DDX10: variants seen among roughly 807,000 people sequenced by gnomAD.
DDX10 encodes the protein probable ATP-dependent RNA helicase DDX10.
A neutral mutation model predicts 104.3 loss-of-function variants in DDX10; 74 were observed. The observed-to-expected ratio is 0.71, with a 90% confidence interval of 0.59 to 0.86. DDX10 has a LOEUF of 0.86. Among genes scored for constraint, DDX10 ranks in the 40% least tolerant of loss-of-function variants. DDX10 has a pLI of 0.00. For synonymous variants in DDX10, 351 were observed against 353.4 expected (o/e 0.99, Z 0.08); for missense variants, 952 against 1,040.0 (o/e 0.92, Z 1.16).
intron 13 of DDX10, among the ~76,000 whole-genome samples, chr11:108,741,068 C>T (rs1356226164): frequency 6.6e-6 from 1 of 152,054 alleles, no homozygotes; most frequent in Non-Finnish European, 1.5e-5. Flanking sequence ...AGAATCCTTC[C>T]CCCATTGGTT....
In DDX10 at chr11:108,691,814, A is replaced by AC. The variant is rs1332423821; in HGVS notation, c.976-62_976-61insC. ...TGAGACTCTGTGGGATACGTTGATAAGAGAAAAGCTTTATTGCTGCCATCT... is the reference window on the plus strand; with the variant it reads ...TGAGACTCTGTGGGATACGTTGATAACGAGAAAAGCTTTATTGCTGCCATCT... On this transcript the variant is annotated intron_variant, in intron 7 of 17. Coordinates refer to ENST00000322536, the MANE Select transcript of DDX10 (RefSeq NM_004398.4). 42 of 1,478,138 alleles carry AC rather than the reference A, an allele frequency of 2.8e-5. No homozygotes were observed. The Middle Eastern group carries it at 8.8e-4, about 31-fold the overall frequency. 91.6% of individuals were successfully genotyped at this position (1,478,138 alleles called of 1,614,324 possible).
chr11:108,771,469 C>T (rs1484455626), intron 13 of DDX10, among the ~76,000 whole-genome samples: 1 of 152,122 alleles, frequency 6.6e-6, no homozygotes, highest in African/African-American at 2.4e-5. Context: ...GTCAGCCTCC[C>T]AAGTAGCTGG....
chr11:108,814,637 GA>G (rs1380617208), intron 13 of DDX10, among the ~76,000 whole-genome samples: 1 of 151,916 alleles, frequency 6.6e-6, no homozygotes, highest in African/African-American at 2.4e-5. Context: ...TTAAAATCTT[GA>G]ATCTTAGAGT....
chr11:108,693,479 G>C, intron 8 of DDX10, 37 bp from the exon 9 acceptor site: 1 of 1,508,188 alleles, frequency 6.6e-7, no homozygotes, highest in Admixed American at 1.7e-5. Flanking sequence ...GGCAGATCTT[G>C]CAACCAGTTT....
chr11:108,905,542 A>G (rs1306482950), intron 16 of DDX10, among the ~76,000 whole-genome samples: 1 of 152,110 alleles, frequency 6.6e-6, no homozygotes, highest in Non-Finnish European at 1.5e-5. Context: ...TATCCATCGT[A>G]ATCAAAGATG....
chr11:108,816,529 C>T (rs1862257394), intron 13 of DDX10, among the ~76,000 whole-genome samples: 1 of 150,414 alleles, frequency 6.6e-6, no homozygotes, highest in Non-Finnish European at 1.5e-5. Flanking sequence ...AACCCTCTAT[C>T]TTGTGTGTAG....
At chr11:108,921,033 A>G (rs1863818335) in intron 17 of DDX10, 1 of 152,220 alleles carries the variant, frequency 6.6e-6, no homozygotes, top group Non-Finnish European at 1.5e-5. Context: ...CATTTGGCCT[A>G]AGCAGTCCTC....
chr11:108,808,877 C>T (rs1474156429), intron 13 of DDX10, among the ~76,000 whole-genome samples: 2 of 152,120 alleles, frequency 1.3e-5, no homozygotes, highest in Non-Finnish European at 2.9e-5. Context: ...ACACAAAGAA[C>T]GTCCATGTGC....
At chr11:108,871,227 C>T (rs908796102) in intron 16 of DDX10, among the ~76,000 whole-genome samples, 53 of 152,120 alleles carry the variant, frequency 3.5e-4, no homozygotes, top group African/African-American at 1.1e-3. Context: ...ATGTACCATA[C>T]AAGCATGACA....
At chr11:108,828,155 T>A (rs999577893) in intron 13 of DDX10, among the ~76,000 whole-genome samples, 1 of 152,214 alleles carries the variant, frequency 6.6e-6, no homozygotes, top group African/African-American at 2.4e-5. Flanking sequence ...TATTTGTTTT[T>A]AATTTTTTTT....
chr11:108,779,997 A>C (rs768636518), intron 13 of DDX10, among the ~76,000 whole-genome samples: 22 of 152,340 alleles, frequency 1.4e-4, no homozygotes, highest in Admixed American at 3.9e-4. Flanking sequence ...AACCTATTTT[A>C]GCCTCATTTT....
chr11:108,765,297 G>C (rs755984610), intron 13 of DDX10, among the ~76,000 whole-genome samples: 8 of 152,296 alleles, frequency 5.3e-5, no homozygotes, highest in African/African-American at 1.9e-4. Flanking sequence ...TCCCCATTCT[G>C]TCCCTCCCTT....
chr11:108,912,736 A>T (rs1342876923), intron 16 of DDX10, among the ~76,000 whole-genome samples: 1 of 152,206 alleles, frequency 6.6e-6, no homozygotes, highest in Non-Finnish European at 1.5e-5. Context: ...GAAAGGACAG[A>T]CAAGAACTCA....
chr11:108,805,850 T>G (rs919163284), intron 13 of DDX10, among the ~76,000 whole-genome samples: 6 of 152,202 alleles, frequency 3.9e-5, no homozygotes, highest in African/African-American at 1.4e-4. Context: ...TATTTAATAA[T>G]GAAAGAAGAA....
chr11:108,691,914 T>C lies in DDX10; in HGVS notation c.1014T>C (p.Pro338=). 6.2e-7 allele frequency: 1 copy of C among 1,614,148 alleles called. No individual in the cohort carries two copies. Among genetic ancestry groups the C allele is most frequent in the Non-Finnish European group, 8.5e-7 (1 of 1,180,004 alleles). ...YLYRVFCRLR[P]GVSILALHGR... Reference sequence around the variant, plus strand: ...ACCGAGTGTTTTGCCGGCTACGTCCTGGTGTTTCTATCCTTGCACTCCATG... The same window carrying C: ...ACCGAGTGTTTTGCCGGCTACGTCCCGGTGTTTCTATCCTTGCACTCCATG... The change falls in exon 8 of 18, where the codon CCT becomes CCC. Residue 338 remains proline, a synonymous_variant. Transcript: ENST00000322536.
intron 13 of DDX10, among the ~76,000 whole-genome samples, chr11:108,765,842 A>C (rs2094355786): frequency 6.6e-6 from 1 of 152,204 alleles, no homozygotes; most frequent in Non-Finnish European, 1.5e-5. Flanking sequence ...TAAATGGACT[A>C]GAAGATTAGG....
chr11:108,713,467 T>TA (rs2094287190), intron 10 of DDX10, among the ~76,000 whole-genome samples: 1 of 152,104 alleles, frequency 6.6e-6, no homozygotes. Context: ...GTATTAGTAA[T>TA]ATGTGTTACA....
chr11:108,757,732 C>G (rs897735358), intron 13 of DDX10, among the ~76,000 whole-genome samples: 3 of 152,002 alleles, frequency 2.0e-5, no homozygotes, highest in African/African-American at 7.2e-5. Flanking sequence ...CCTTCTGACC[C>G]TTATAATCTG....
At chr11:108,889,270 A>G (rs1458485738) in intron 16 of DDX10, among the ~76,000 whole-genome samples, 1 of 152,166 alleles carries the variant, frequency 6.6e-6, no homozygotes, top group Non-Finnish European at 1.5e-5. Context: ...AACTTAATTG[A>G]CAATTCCAGT....
Sources: allele counts gnomAD v4.1 joint callset (sites outside exome capture counted in the v4.1 genomes callset), GRCh38; gene constraint gnomAD v4.1.1; transcripts MANE v1.5; gene names NCBI Gene and HGNC (gene_info 2026-07-23, HGNC 2026-07-21).